Variants in AHRR observed in about 807,000 individuals in gnomAD.
AHRR encodes aryl hydrocarbon receptor repressor.
In AHRR, 28 loss-of-function variants were observed where a neutral mutation model predicts 44.0. That is an observed-to-expected ratio of 0.64 (90% CI 0.47 to 0.87). The LOEUF is 0.87. AHRR is among the 40% of genes least tolerant of loss of function. The pLI is 0.00. For synonymous variants in AHRR, 434 were observed against 407.0 expected, an observed-to-expected ratio of 1.07 and a Z score of -0.80; for missense variants, 990 against 953.9, an observed-to-expected ratio of 1.04 and a Z score of -0.50.
intron 4 of AHRR, among the ~76,000 whole-genome samples, chr5:399,762 G>C (rs2126490897): frequency 6.6e-6 from 1 of 152,358 alleles, no homozygotes; most frequent in Admixed American, 6.5e-5. Context: ...AGGAGGGACT[G>C]CCTGGGGGCC....
chr5:423,719 G>A (rs1736239098), intron 6 of AHRR, 122 bp from the exon 7 acceptor site: 2 of 1,309,024 alleles, frequency 1.5e-6, no homozygotes, highest in South Asian at 1.6e-5. Flanking sequence ...GGGGGCGGGA[G>A]GATGGCACAG....
At chr5:376,499 T>A in intron 3 of AHRR, 111 bp from the exon 4 acceptor site, 3 of 54,818 alleles carry the variant, frequency 5.5e-5, no homozygotes, top group Admixed American at 4.4e-4. Context: ...AGGCCAGATG[T>A]CAGGTGAGAA....
intron 2 of AHRR, among the ~76,000 whole-genome samples, chr5:348,483 T>C (rs2721004): frequency 0.7 from 107,125 of 152,080 alleles, 38,342 homozygotes; most frequent in African/African-American, 0.77. Flanking sequence ...GAAGCGTTTC[T>C]ATCACTCCAC....
In AHRR at chr5:434,112, A is replaced by G. The variant is rs1306456752; in HGVS notation, c.1372A>G (p.Ser458Gly). The G allele has an allele frequency of 1.2e-6, 2 of 1,612,694 alleles. No homozygotes were observed. Among genetic ancestry groups the G allele is most frequent in the Non-Finnish European group, 8.5e-7 (1 of 1,179,870 alleles). Residue 458 changes from serine to glycine, a missense_variant, in exon 11 of 11, where the codon AGT (serine) becomes GGT (glycine). Ser to Gly is a moderately conservative substitution (Grantham distance 56). Transcript: ENST00000684583. ...CTCTCACCCGCCGAGCCCGTCCCCC[A>G]GTGCCTACTCCAGCCGGACCAGCAG... ...PISHPPSPSP[S>G]AYSSRTSRPM...
At chr5:390,275 C>T (rs1373212212) in intron 4 of AHRR, among the ~76,000 whole-genome samples, 1 of 152,182 alleles carries the variant, frequency 6.6e-6, no homozygotes, top group African/African-American at 2.4e-5. Context: ...TTATGCATCA[C>T]ACGCCTGCAT....
Position 411,782 on chromosome 5 carries a change from G to A in AHRR, c.352-1562G>A, listed in dbSNP as rs1253097141. On this transcript the variant is annotated intron_variant, in intron 4 of 10. Transcript: ENST00000684583. This position sits in a 1 kb window ranked among gnomAD's most constrained non-coding sequence, Gnocchi z 4.2. Reference sequence around the variant, plus strand: ...CTGCTGACAGCCACAAACATCATGGGAGTTAAAGTCTCCGAATGTCTGTGT... The same window carrying A: ...CTGCTGACAGCCACAAACATCATGGAAGTTAAAGTCTCCGAATGTCTGTGT... Among the ~76,000 whole-genome samples, 1 of 152,192 alleles carries A rather than the reference G, an allele frequency of 6.6e-6. No individual in the cohort carries two copies. Among genetic ancestry groups the A allele is most frequent in the Admixed American group, 6.5e-5 (1 of 15,288 alleles).
intron 4 of AHRR, among the ~76,000 whole-genome samples, chr5:380,464 A>G (rs991752228): frequency 6.6e-6 from 1 of 152,198 alleles, no homozygotes; most frequent in Non-Finnish European, 1.5e-5. Flanking sequence ...ATCCATGAAC[A>G]TGGTATGTGT....
intron 5 of AHRR, among the ~76,000 whole-genome samples, chr5:421,832 A>G (rs755604173): frequency 3.3e-5 from 5 of 152,090 alleles, no homozygotes; most frequent in African/African-American, 4.8e-5. Context: ...TCGTCCCTTT[A>G]GGGTGAGTTT....
chr5:349,895 T>A (rs926891829), intron 2 of AHRR, among the ~76,000 whole-genome samples: 3 of 152,238 alleles, frequency 2.0e-5, no homozygotes, highest in African/African-American at 7.2e-5. Context: ...TGCCTTAGTA[T>A]CTTTGTGAAG....
rs1560927404 is a variant in AHRR at position 434,317 on chromosome 5, CGCT to C, written c.1584_1586del (p.Leu529del). 6.2e-7 allele frequency: 1 copy of C among 1,611,050 alleles called. No individual in the cohort carries two copies. Among genetic ancestry groups the C allele is most frequent in the South Asian group, 1.1e-5 (1 of 90,708 alleles). The stretch of plus-strand genomic sequence containing the variant: ...CCTCCGGGGGACCTGTGTGGTCCGA[CGCT>C]GCTGCTAGATGTGTCCATCAAGATG... On this transcript the variant is annotated inframe_deletion, in exon 11 of 11. Coordinates refer to ENST00000684583, the MANE Select transcript of AHRR (RefSeq NM_001377236.1).
chr5:428,945 G>A lies in AHRR; in HGVS notation c.908+939G>A, dbSNP rs1009067499. On this transcript the variant is annotated intron_variant, in intron 8 of 10. Transcript: ENST00000684583. ...GCTCTGGCGGTCACGCGAGCAGTGG[G>A]GAGTGGCTGTAAATATAGATGAAGC... Among the ~76,000 whole-genome samples the A allele has an allele frequency of 5.3e-5, 8 of 152,338 alleles. No homozygotes were observed. In the East Asian group the frequency reaches 7.7e-4, roughly 15 times the overall value.
At chr5:414,196 T>TG (rs1735605582) in intron 5 of AHRR, among the ~76,000 whole-genome samples, 1 of 151,720 alleles carries the variant, frequency 6.6e-6, no homozygotes, top group Non-Finnish European at 1.5e-5. Flanking sequence ...CTGGGAGGTG[T>TG]AGGTTGCAGT....
At chr5:382,440 G>A (rs1436198079) in intron 4 of AHRR, among the ~76,000 whole-genome samples, 1 of 152,164 alleles carries the variant, frequency 6.6e-6, no homozygotes, top group African/African-American at 2.4e-5. Context: ...TGATATCAGA[G>A]TTGTTCATGA....
At chr5:424,444 G>T (rs2561660) in intron 7 of AHRR, among the ~76,000 whole-genome samples, 42 of 144,922 alleles carry the variant, frequency 2.9e-4, no homozygotes, top group East Asian at 8.4e-4. Context: ...GTATGGGGGT[G>T]TTAACCCATG....
intron 6 of AHRR, among the ~76,000 whole-genome samples, chr5:423,358 T>C (rs1259925524): frequency 6.6e-6 from 1 of 152,138 alleles, no homozygotes; most frequent in African/African-American, 2.4e-5. Flanking sequence ...CTGGCAGGTG[T>C]GGAGCTCCTT....
chr5:373,964 G>A (rs1743677942), intron 3 of AHRR, among the ~76,000 whole-genome samples: 2 of 151,656 alleles, frequency 1.3e-5, no homozygotes, highest in East Asian at 1.9e-4. Context: ...GGGGGCACGC[G>A]ATGCCGGGAG....
At chr5:341,160 G>A (rs1456628832) in intron 1 of AHRR, among the ~76,000 whole-genome samples, 3 of 150,580 alleles carry the variant, frequency 2.0e-5, no homozygotes, top group Non-Finnish European at 1.5e-5. Context: ...GACTACAGGT[G>A]CACGCCACCA....
At chr5:369,003 G>C (rs1438724295) in intron 3 of AHRR, among the ~76,000 whole-genome samples, 1 of 152,160 alleles carries the variant, frequency 6.6e-6, no homozygotes, top group Non-Finnish European at 1.5e-5. Context: ...TGTGAAATGA[G>C]TGTGTTTATT....
intron 5 of AHRR, chr5:421,324 G>A (rs1164550385): frequency 8.6e-6 from 6 of 695,110 alleles, no homozygotes; most frequent in African/African-American, 3.6e-5. Flanking sequence ...GTCGCGATGC[G>A]GGGCAGGGGG....
Sources: gnomAD v4.1 joint callset for allele counts (sites outside exome capture counted in the v4.1 genomes callset) on GRCh38, gnomAD v4.1.1 for gene constraint, Gnocchi (gnomAD v3.1) non-coding constraint, MANE v1.5 for transcripts, NCBI Gene and HGNC (gene_info 2026-07-23, HGNC 2026-07-21) for gene names.